CLVS1: variants seen among roughly 807,000 people sequenced by gnomAD.
CLVS1 encodes clavesin 1.
Under a neutral mutation model 33.1 loss-of-function variants are expected in CLVS1, and 10 were observed. The observed-to-expected ratio is 0.30, with a 90% CI of 0.19 to 0.51. The LOEUF (loss-of-function observed/expected upper bound fraction) is 0.51, where lower values mean the gene tolerates loss of function less well. Among genes scored for constraint, CLVS1 ranks in the 20% least tolerant of loss-of-function variants. The pLI is 0.97. For missense variants in CLVS1, 343 were observed against 433.4 expected, an observed-to-expected ratio of 0.79 and a Z score of 1.85; for synonymous variants, 163 against 166.1, an observed-to-expected ratio of 0.98 and a Z score of 0.14.
chr8:61,092,785 A>C (rs1331127149), intron 1 of CLVS1, among the ~76,000 whole-genome samples: 1 of 152,188 alleles, frequency 6.6e-6, no homozygotes, highest in Non-Finnish European at 1.5e-5. Context: ...AGTGACCCTA[A>C]TTCCATCTGC....
intron 2 of CLVS1, among the ~76,000 whole-genome samples, chr8:61,366,266 C>T (rs1813207205): frequency 6.6e-6 from 1 of 152,146 alleles, no homozygotes; most frequent in Admixed American, 6.5e-5. Context: ...GTTTGAGGAC[C>T]AGATCTTTCC....
chr8:61,019,503 T>C, the CLVS1 span, among the ~76,000 whole-genome samples: 6 of 152,256 alleles, frequency 3.9e-5, no homozygotes, highest in African/African-American at 1.4e-4. Flanking sequence ...AACTCAACAA[T>C]CACTAAGGTC....
intron 2 of CLVS1, among the ~76,000 whole-genome samples, chr8:61,143,982 A>G (rs1806365588): frequency 6.6e-6 from 1 of 151,262 alleles, no homozygotes; most frequent in Non-Finnish European, 1.5e-5. Flanking sequence ...AATTACCTAA[A>G]CTAGATGAGT....
At chr8:61,468,214 G>A (rs1199254648) in intron 5 of CLVS1, among the ~76,000 whole-genome samples, 2 of 152,146 alleles carry the variant, frequency 1.3e-5, no homozygotes, top group African/African-American at 4.8e-5. Flanking sequence ...CCCCAACTTT[G>A]AGTCTTGGGG....
intron 1 of CLVS1, among the ~76,000 whole-genome samples, chr8:61,077,312 C>G (rs959831005): frequency 1.3e-5 from 2 of 151,904 alleles, no homozygotes; most frequent in African/African-American, 4.8e-5. Context: ...ACCCCGTGAT[C>G]CACCCGCCTC....
chr8:61,120,318 A>G (rs1164741814), intron 1 of CLVS1, among the ~76,000 whole-genome samples: 1 of 122,306 alleles, frequency 8.2e-6, no homozygotes, highest in Non-Finnish European at 1.7e-5. Context: ...TTTGGTTTGA[A>G]TGTCCTCCCG....
Position 61,111,778 on chromosome 8 carries a change from G to A in CLVS1, c.-242-19992G>A, listed in dbSNP as rs551438889. On this transcript the variant is annotated intron_variant, in intron 1 of 2. Transcript: ENST00000522621. The stretch of plus-strand genomic sequence containing the variant: ...TTATTACCCTTCTTTAAAAAAATTG[G>A]CTATTATATAGTCCTTCTATCAAAA... 4.6e-5 allele frequency among the ~76,000 whole-genome samples: 7 copies of A among 152,066 alleles called. No homozygotes were observed. The South Asian group carries it at 1.5e-3, about 32-fold the overall frequency.
chr8:61,097,551 G>A (rs1039493446), intron 1 of CLVS1, among the ~76,000 whole-genome samples: 3 of 152,144 alleles, frequency 2.0e-5, no homozygotes, highest in African/African-American at 7.2e-5. Flanking sequence ...ATTTTGTGGT[G>A]GAAGAAGAGA....
chr8:61,178,250 G>A (rs543316501), intron 2 of CLVS1, among the ~76,000 whole-genome samples: 1 of 152,176 alleles, frequency 6.6e-6, no homozygotes, highest in East Asian at 1.9e-4. Context: ...GAATATCAGA[G>A]ATTGAAGACT....
At chr8:61,259,076 G>A (rs1585729032) in intron 2 of CLVS1, among the ~76,000 whole-genome samples, 2 of 152,150 alleles carry the variant, frequency 1.3e-5, no homozygotes, top group East Asian at 3.8e-4. Context: ...ATTGTAGCAG[G>A]AACATGTGTT....
intron 3 of CLVS1, among the ~76,000 whole-genome samples, chr8:61,413,397 G>C (rs1815309395): frequency 6.6e-6 from 1 of 152,166 alleles, no homozygotes; most frequent in Admixed American, 6.6e-5. Flanking sequence ...AAGAGACCCA[G>C]AGCCAGCTAA....
At chr8:61,437,533 A>G (rs1816377927) in intron 3 of CLVS1, among the ~76,000 whole-genome samples, 1 of 152,212 alleles carries the variant, frequency 6.6e-6, no homozygotes, top group Non-Finnish European at 1.5e-5. Flanking sequence ...ATAGCTGACT[A>G]AAATCTCCTA....
chr8:61,185,155 G>GT (rs997528528), intron 2 of CLVS1, among the ~76,000 whole-genome samples: 1,940 of 143,326 alleles, frequency 0.014, 47 homozygotes, highest in African/African-American at 0.049. Flanking sequence ...TTTTGTTTTT[G>GT]TTTTTTGTGA....
chr8:61,119,074 T>A (rs1013908312), intron 1 of CLVS1, among the ~76,000 whole-genome samples: 23 of 152,218 alleles, frequency 1.5e-4, no homozygotes, highest in Non-Finnish European at 2.8e-4. Context: ...GGTGCATATA[T>A]ATTTAGGATA....
At chr8:61,172,802 C>T (rs1014276217) in intron 2 of CLVS1, among the ~76,000 whole-genome samples, 2 of 152,124 alleles carry the variant, frequency 1.3e-5, no homozygotes, top group African/African-American at 4.8e-5. Context: ...ATCTGTGGCT[C>T]TCCCATCTTT....
At chr8:61,063,569 C>A (rs1372162032) in intron 1 of CLVS1, among the ~76,000 whole-genome samples, 1 of 151,988 alleles carries the variant, frequency 6.6e-6, no homozygotes, top group African/African-American at 2.4e-5. Context: ...ACGGCAGGAC[C>A]CAGTACAGGT....
chr8:61,300,925 T>C (rs1276926420), intron 2 of CLVS1: 1 of 152,188 alleles, frequency 6.6e-6, no homozygotes, highest in Non-Finnish European at 1.5e-5. Flanking sequence ...TCCTACCACT[T>C]TCTTCTTATA....
intron 5 of CLVS1, among the ~76,000 whole-genome samples, chr8:61,477,096 C>T (rs1367895233): frequency 3.3e-5 from 5 of 152,114 alleles, no homozygotes; most frequent in Admixed American, 6.6e-5. Context: ...TGATGGATTA[C>T]GTTTATTGAT....
intron 1 of CLVS1, among the ~76,000 whole-genome samples, chr8:61,080,357 A>G (rs1330383481): frequency 1.3e-5 from 2 of 152,240 alleles, no homozygotes; most frequent in Admixed American, 6.5e-5. Context: ...AACAGTCATC[A>G]CTTAAAAGAT....
Sources: gnomAD v4.1 joint callset for allele counts (sites outside exome capture counted in the v4.1 genomes callset) on GRCh38, gnomAD v4.1.1 for gene constraint, MANE v1.5 for transcripts, NCBI Gene and HGNC (gene_info 2026-07-23, HGNC 2026-07-21) for gene names.